Variants in VWDE observed in about 807,000 individuals in gnomAD.
The protein encoded by VWDE is von Willebrand factor D and EGF domains.
A neutral mutation model predicts 178.4 loss-of-function variants in VWDE; 207 were observed. The observed-to-expected ratio is 1.16, with a 90% confidence interval of 1.04 to 1.30. The LOEUF (loss-of-function observed/expected upper bound fraction) is 1.30, where lower values mean the gene tolerates loss of function less well. Ranked by LOEUF, VWDE falls within the 50% of genes most tolerant of loss-of-function variation. The probability of loss-of-function intolerance (pLI) is 0.00; values close to 1 mark genes in which losing one functional copy is unlikely to be tolerated. For synonymous variants in VWDE, 738 were observed against 651.4 expected (o/e 1.13, Z -2.02); for missense variants, 2,287 against 1,901.3 (o/e 1.20, Z -3.77).
At chr7:12,357,054 A>G (rs532129966) in intron 17 of VWDE, among the ~76,000 whole-genome samples, 35 of 152,298 alleles carry the variant, frequency 2.3e-4, no homozygotes, top group Non-Finnish European at 3.5e-4. Flanking sequence ...GAAATTATTA[A>G]TTTAGATCTG....
At chr7:12,351,804 G>A in intron 18 of VWDE, 91 bp from the exon 19 acceptor site, 1 of 1,136,428 alleles carries the variant, frequency 8.8e-7, no homozygotes, top group Non-Finnish European at 1.2e-6. Context: ...AACGCCACTT[G>A]GATTAAACTC....
intron 9 of VWDE, among the ~76,000 whole-genome samples, chr7:12,373,527 G>A (rs1211672234): frequency 6.6e-6 from 1 of 152,052 alleles, no homozygotes; most frequent in East Asian, 1.9e-4. Flanking sequence ...CTTGTTAAAT[G>A]TCACCCTCAC....
rs547788701 is a variant in VWDE, at chr7:12,365,134, A to AGGG, written c.2898+2222_2898+2223insCCC. 3.3e-5 allele frequency among the ~76,000 whole-genome samples: 5 copies of AGGG among 152,234 alleles called. No homozygotes were observed. The South Asian group carries it at 1.0e-3, about 32-fold the overall frequency. ...AAGAAAGATGGAGCACTGTCACAATACGAAAGAGACTGAAGAAACATGACA... is the reference window on the plus strand; with the variant it reads ...AAGAAAGATGGAGCACTGTCACAATAGGGCGAAAGAGACTGAAGAAACATGACA... On this transcript the variant is annotated intron_variant, in intron 13 of 28. Transcript: ENST00000275358.
At position 12,403,745 on chromosome 7, in the gene VWDE, G is replaced by A. The variant is rs745808409; in HGVS notation, c.-29C>T. ...TGCTTCCGCAGGTGGGGCGAAAGGC[G>A]TCGCAGAGCCCGGGCCGCGGGTGCC... On this transcript the variant is annotated 5_prime_UTR_variant, in exon 1 of 29. In the 5' UTR this introduces an upstream ATG that the reference lacks. Coordinates refer to ENST00000275358, the MANE Select transcript of VWDE (RefSeq NM_001135924.3). The A allele has an allele frequency of 1.9e-6, 3 of 1,549,466 alleles. No individual in the cohort carries two copies. Among genetic ancestry groups the A allele is most frequent in the Middle Eastern group, 1.7e-4 (1 of 5,950 alleles).
In VWDE at chr7:12,389,339, T is replaced by A. The variant is rs1489137818; in HGVS notation, c.263A>T (p.Gln88Leu). 6.5e-7 allele frequency: 1 copy of A among 1,547,580 alleles called. No individual in the cohort carries two copies. The highest frequency in any genetic ancestry group is 1.2e-5 in the South Asian group (1 of 83,946). Residue 88 changes from glutamine to leucine, a missense_variant, in exon 3 of 29, where the codon CAG becomes CTG. By Grantham distance (113) the Gln-to-Leu change is moderately radical. Coordinates refer to ENST00000275358, the MANE Select transcript of VWDE (RefSeq NM_001135924.3). The part of the protein sequence containing the change: ...KCVEMNHCGT[Q>L]APIWLSLRDS... ...TCTCAGAGACAGCCAGATGGGGGCCTGAGTTCCACAATGGTTCATCTTTTG... is the reference window on the plus strand; with the variant it reads ...TCTCAGAGACAGCCAGATGGGGGCCAGAGTTCCACAATGGTTCATCTTTTG...
chr7:12,389,370 G>C lies in VWDE; in HGVS notation c.244-12C>G. 1 of 1,523,070 alleles carries C rather than the reference G, an allele frequency of 6.6e-7. No homozygotes were observed. The allele number at this position is 1,523,070 out of a possible 1,614,324, so 94.3% of individuals were successfully genotyped here. A position where few individuals can be genotyped will look rare whatever the true frequency, so the allele number is the denominator to read the frequency against. Reference sequence around the variant, plus strand: ...CCACAATGGTTCATCTTTTGCAGGAGAGAAAACAAAAGTTGAAAATTCAGT... The same window carrying C: ...CCACAATGGTTCATCTTTTGCAGGACAGAAAACAAAAGTTGAAAATTCAGT... On this transcript the variant is annotated splice_polypyrimidine_tract_variant and intron_variant, in intron 2 of 28. Transcript: ENST00000275358.
intron 24 of VWDE, among the ~76,000 whole-genome samples, chr7:12,337,636 T>G (rs1781117058): frequency 1.3e-5 from 2 of 152,214 alleles, no homozygotes; most frequent in Admixed American, 6.5e-5. Context: ...GTGCCTGTTC[T>G]TGTGGAAATT....
At chr7:12,347,793 T>C (rs939594916) in intron 19 of VWDE, among the ~76,000 whole-genome samples, 1 of 151,950 alleles carries the variant, frequency 6.6e-6, no homozygotes, top group Non-Finnish European at 1.5e-5. Context: ...AGAACAAAGC[T>C]GGAGGCATCA....
intron 13 of VWDE, 70 bp from the exon 14 acceptor site, chr7:12,361,591 T>C (rs1287301161): frequency 1.5e-6 from 2 of 1,370,010 alleles, no homozygotes; most frequent in East Asian, 2.6e-5. Flanking sequence ...AAATTACATA[T>C]AATGAAAACA....
intron 2 of VWDE, among the ~76,000 whole-genome samples, chr7:12,392,763 C>T (rs1037085679): frequency 8.3e-5 from 12 of 145,306 alleles, no homozygotes; most frequent in African/African-American, 2.8e-4. Context: ...TGATCACAAT[C>T]ATATCGTGTT....
chr7:12,381,953 C>G (rs1474615842), intron 4 of VWDE, among the ~76,000 whole-genome samples: 1 of 151,648 alleles, frequency 6.6e-6, no homozygotes. Flanking sequence ...TTGCTTGCAA[C>G]AGTATAGATG....
intron 12 of VWDE, among the ~76,000 whole-genome samples, chr7:12,368,275 A>G (rs1782971387): frequency 6.6e-6 from 1 of 151,206 alleles, no homozygotes; most frequent in Non-Finnish European, 1.5e-5. Flanking sequence ...ATTATATTAC[A>G]TAATTGTTTT....
chr7:12,331,879 T>C (rs2128542743), intron 28 of VWDE, among the ~76,000 whole-genome samples: 1 of 152,256 alleles, frequency 6.6e-6, no homozygotes, highest in South Asian at 2.1e-4. Flanking sequence ...TTTCTTCCTT[T>C]ACTTATTTTC....
chr7:12,363,569 A>G lies in VWDE; in HGVS notation c.2899-2048T>C, dbSNP rs1782694838. On this transcript the variant is annotated intron_variant, in intron 13 of 28. Coordinates refer to ENST00000275358, the MANE Select transcript of VWDE (RefSeq NM_001135924.3). ...ACAAAAGTAGAAAAAAGCATGTAAA[A>G]TATGTTACACTTTATATTAAAAAAA... is the stretch of plus-strand genomic sequence containing the variant. Among the ~76,000 whole-genome samples the G allele has an allele frequency of 1.3e-5, 2 of 152,094 alleles. 1 individual carries two copies. Among genetic ancestry groups the G allele is most frequent in the South Asian group, 4.1e-4 (2 of 4,830 alleles).
chr7:12,355,931 T>C (rs1021407285), intron 18 of VWDE, among the ~76,000 whole-genome samples, 180 bp downstream of exon 18: 4 of 152,184 alleles, frequency 2.6e-5, no homozygotes, highest in African/African-American at 7.2e-5. Flanking sequence ...TAATAGTGCA[T>C]GGAACTTGCA....
intron 1 of VWDE, among the ~76,000 whole-genome samples, chr7:12,397,064 A>T (rs1313995648): frequency 1.3e-5 from 2 of 152,206 alleles, no homozygotes; most frequent in African/African-American, 2.4e-5. Context: ...TAGAAAAAAA[A>T]AACTATTCTA....
At chr7:12,396,962 G>C (rs1784656978) in intron 1 of VWDE, among the ~76,000 whole-genome samples, 1 of 151,110 alleles carries the variant, frequency 6.6e-6, no homozygotes, top group African/African-American at 2.4e-5. Flanking sequence ...AAACAAAAAA[G>C]AATCAATGTC....
intron 13 of VWDE, 40 bp from the exon 14 acceptor site, chr7:12,361,561 T>G: frequency 6.8e-7 from 1 of 1,470,958 alleles, no homozygotes; most frequent in Non-Finnish European, 9.0e-7. Flanking sequence ...TCTGTTAAAT[T>G]ATGGAAATAT....
chr7:12,349,445 A>G (rs1781805830), intron 19 of VWDE, among the ~76,000 whole-genome samples: 1 of 151,358 alleles, frequency 6.6e-6, no homozygotes, highest in South Asian at 2.1e-4. Flanking sequence ...ATGAGTTCAT[A>G]TTTATAATTT....
Sources: allele counts gnomAD v4.1 joint callset (sites outside exome capture counted in the v4.1 genomes callset), GRCh38; gene constraint gnomAD v4.1.1; transcripts MANE v1.5; gene names NCBI Gene and HGNC (gene_info 2026-07-23, HGNC 2026-07-21).